KCNMA1: variants seen among roughly 807,000 people sequenced by gnomAD.
KCNMA1 encodes potassium calcium-activated channel subfamily M alpha 1, also known as Calcium-activated potassium channel subunit alpha-1.
KCNMA1 carries 29 observed loss-of-function variants against 140.0 expected under a neutral mutation model. That is an observed-to-expected ratio of 0.21 (90% CI 0.15 to 0.28). The LOEUF is 0.28. KCNMA1 is among the 10% of genes least tolerant of loss of function. KCNMA1 has a pLI of 1.00. For synonymous variants in KCNMA1, 612 were observed against 611.9 expected, an observed-to-expected ratio of 1.00 and a Z score of 0.00; for missense variants, 880 against 1,602.2, an observed-to-expected ratio of 0.55 and a Z score of 7.70.
intron 3 of KCNMA1, among the ~76,000 whole-genome samples, chr10:77,231,239 T>C (rs749716135): frequency 2.0e-5 from 3 of 152,216 alleles, no homozygotes; most frequent in Non-Finnish European, 4.4e-5. Flanking sequence ...GAAGAGATTC[T>C]TTCCTACTTG....
At chr10:77,109,007 G>T (rs1483760838) in intron 8 of KCNMA1, among the ~76,000 whole-genome samples, 1 of 151,216 alleles carries the variant, frequency 6.6e-6, no homozygotes, top group Non-Finnish European at 1.5e-5. Context: ...ATGCTTTTAT[G>T]AGTGACAAAA....
chr10:77,047,194 G>T (rs375431777), intron 14 of KCNMA1, among the ~76,000 whole-genome samples: 3 of 152,130 alleles, frequency 2.0e-5, no homozygotes, highest in East Asian at 1.9e-4. Flanking sequence ...GGATTTGATG[G>T]AATGCCAGAA....
At chr10:77,276,829 T>C (rs911330240) in intron 2 of KCNMA1, among the ~76,000 whole-genome samples, 3 of 152,096 alleles carry the variant, frequency 2.0e-5, no homozygotes, top group African/African-American at 7.2e-5. Flanking sequence ...CAAAATATGG[T>C]ACATATTTTG....
At chr10:77,096,144 C>T (rs1044526435) in intron 9 of KCNMA1, among the ~76,000 whole-genome samples, 2 of 152,162 alleles carry the variant, frequency 1.3e-5, no homozygotes, top group African/African-American at 2.4e-5. Context: ...AAGATGAGTG[C>T]CAGATCCAGA....
At chr10:77,008,297 C>T in intron 18 of KCNMA1, 2 of 1,203,878 alleles carry the variant, frequency 1.7e-6, no homozygotes, top group Non-Finnish European at 2.3e-6. Flanking sequence ...AAAGAAAATT[C>T]CTTCAAACAC....
At chr10:77,146,127 C>T (rs182313899) in intron 5 of KCNMA1, among the ~76,000 whole-genome samples, 2 of 152,266 alleles carry the variant, frequency 1.3e-5, no homozygotes, top group East Asian at 3.9e-4. Flanking sequence ...TCTTGAGGAG[C>T]TGTTTACAAT....
intron 2 of KCNMA1, among the ~76,000 whole-genome samples, chr10:77,269,928 T>C (rs1437454907): frequency 6.6e-6 from 1 of 152,162 alleles, no homozygotes; most frequent in Non-Finnish European, 1.5e-5. Flanking sequence ...TACAGGTAAG[T>C]AGAGGCTGGG....
chr10:77,131,636 C>T (rs1431578767), intron 5 of KCNMA1, among the ~76,000 whole-genome samples: 4 of 151,748 alleles, frequency 2.6e-5, no homozygotes, highest in African/African-American at 4.8e-5. Context: ...TTGAGCTGAG[C>T]GTTGGCTTCT....
At chr10:76,952,015 T>C (rs1289070858) in intron 21 of KCNMA1, 14 of 1,550,200 alleles carry the variant, frequency 9.0e-6, no homozygotes, top group African/African-American at 4.1e-5. Context: ...TTATTTTTCA[T>C]AGGATAGAAG....
rs1206528806 is a variant in KCNMA1, at chr10:76,982,336, A to T, written c.2267-12269T>A. Reference sequence around the variant, plus strand: ...GAGAGAGAATTGTTCAGGAAAAAAAAAAAAAAAGAAAGGAAGAAAAAGAAG... The same window carrying T: ...GAGAGAGAATTGTTCAGGAAAAAAATAAAAAAAGAAAGGAAGAAAAAGAAG... On this transcript the variant is annotated intron_variant, in intron 19 of 27. Transcript: ENST00000286628. 2.0e-5 allele frequency among the ~76,000 whole-genome samples: 3 copies of T among 151,934 alleles called. No homozygotes were observed. In the East Asian group the frequency reaches 5.8e-4, roughly 29 times the overall value.
intron 1 of KCNMA1, among the ~76,000 whole-genome samples, chr10:77,487,362 A>G (rs2098473255): frequency 6.6e-6 from 1 of 152,204 alleles, no homozygotes; most frequent in East Asian, 1.9e-4. Flanking sequence ...CAACTGGGGA[A>G]AACAAGCCAC....
At chr10:77,053,159 C>A (rs2095430603) in intron 14 of KCNMA1, among the ~76,000 whole-genome samples, 1 of 151,012 alleles carries the variant, frequency 6.6e-6, no homozygotes, top group South Asian at 2.1e-4. Context: ...CAAAGAGACC[C>A]CTCCCTGTCC....
At chr10:77,272,546 T>C (rs1426681451) in intron 2 of KCNMA1, among the ~76,000 whole-genome samples, 2 of 152,186 alleles carry the variant, frequency 1.3e-5, no homozygotes, top group Admixed American at 1.3e-4. Flanking sequence ...GATGAATGAC[T>C]GGGAAGAATA....
intron 5 of KCNMA1, among the ~76,000 whole-genome samples, chr10:77,140,977 T>C (rs776334822): frequency 2.0e-5 from 3 of 152,198 alleles, no homozygotes; most frequent in Non-Finnish European, 4.4e-5. Flanking sequence ...TCTTTTATTT[T>C]AGTAATCCTG....
chr10:77,553,384 C>T (rs566426270), intron 1 of KCNMA1, among the ~76,000 whole-genome samples: 53 of 152,242 alleles, frequency 3.5e-4, no homozygotes, highest in African/African-American at 1.3e-3. Flanking sequence ...AGGAAAGGGG[C>T]ACTTGGGAGC....
chr10:77,164,918 C>A (rs555240762), intron 5 of KCNMA1, among the ~76,000 whole-genome samples: 1 of 152,190 alleles, frequency 6.6e-6, no homozygotes, highest in South Asian at 2.1e-4. Flanking sequence ...CAGTTTCTTC[C>A]CATTTTTTCC....
intron 15 of KCNMA1, among the ~76,000 whole-genome samples, chr10:77,032,749 T>C (rs1359036856): frequency 6.6e-6 from 1 of 151,894 alleles, no homozygotes; most frequent in East Asian, 1.9e-4. Context: ...TTTTTTTTAC[T>C]GCCAACATCA....
chr10:77,400,770 G>A (rs1029796201), intron 2 of KCNMA1, among the ~76,000 whole-genome samples: 1 of 152,038 alleles, frequency 6.6e-6, no homozygotes, highest in Admixed American at 6.6e-5. Context: ...GAAGAAATAC[G>A]ACATTGTCCT....
intron 1 of KCNMA1, among the ~76,000 whole-genome samples, chr10:77,565,284 T>G (rs1386209371): frequency 6.6e-6 from 1 of 152,146 alleles, no homozygotes; most frequent in Non-Finnish European, 1.5e-5. Flanking sequence ...ACAACGCGGA[T>G]GGTAAGCACT....
Sources: gnomAD v4.1 joint callset for allele counts (sites outside exome capture counted in the v4.1 genomes callset) on GRCh38, gnomAD v4.1.1 for gene constraint, MANE v1.5 for transcripts, NCBI Gene and HGNC (gene_info 2026-07-23, HGNC 2026-07-21) for gene names.